GALNTL6: variants seen among roughly 807,000 people sequenced by gnomAD.
GALNTL6 encodes the protein polypeptide N-acetylgalactosaminyltransferase-like 6.
In GALNTL6, 46 loss-of-function variants were observed where a neutral mutation model predicts 73.7. The observed-to-expected ratio is 0.62, with a 90% CI of 0.49 to 0.80. The LOEUF (loss-of-function observed/expected upper bound fraction) is 0.80. Among genes scored for constraint, GALNTL6 ranks in the 30% least tolerant of loss-of-function variants. GALNTL6 has a pLI of 0.00. For synonymous variants in GALNTL6, 259 were observed against 263.7 expected, an observed-to-expected ratio of 0.98 and a Z score of 0.17; for missense variants, 604 against 755.0, an observed-to-expected ratio of 0.80 and a Z score of 2.34.
At chr4:172,367,492 C>T (rs7666004) in intron 5 of GALNTL6, among the ~76,000 whole-genome samples, 3,119 of 152,162 alleles carry the variant, frequency 0.02, 102 homozygotes, top group African/African-American at 0.07. Context: ...ACTGATAACT[C>T]CACGTAGCCA....
intron 5 of GALNTL6, among the ~76,000 whole-genome samples, chr4:172,454,021 C>G (rs1420346880): frequency 2.0e-5 from 3 of 152,146 alleles, no homozygotes; most frequent in South Asian, 2.1e-4. Context: ...TACAGGCAAG[C>G]ATGGTGCTAT....
Position 172,757,802 on chromosome 4 carries a change from C to T in GALNTL6, c.554-51559C>T, listed in dbSNP as rs182282437. 1.7e-3 allele frequency among the ~76,000 whole-genome samples: 258 copies of T among 152,236 alleles called. 1 individual carries two copies. Among genetic ancestry groups the T allele is most frequent in the African/African-American group, 6.0e-3 (250 of 41,546 alleles). Reference sequence around the variant, plus strand: ...ATGGAAAGTAAATGTTGAGATGTTACGTCCCATGTGTTTTTTTCTGTTTAT... The same window carrying T: ...ATGGAAAGTAAATGTTGAGATGTTATGTCCCATGTGTTTTTTTCTGTTTAT... On this transcript the variant is annotated intron_variant, in intron 5 of 12. Transcript: ENST00000506823.
At chr4:172,278,913 C>T (rs1214570765) in intron 3 of GALNTL6, among the ~76,000 whole-genome samples, 1 of 152,142 alleles carries the variant, frequency 6.6e-6, no homozygotes, top group East Asian at 1.9e-4. Context: ...AATACACTAT[C>T]ACATATATGG....
At chr4:171,985,898 C>T (rs1740057946) in intron 2 of GALNTL6, among the ~76,000 whole-genome samples, 1 of 151,650 alleles carries the variant, frequency 6.6e-6, no homozygotes, top group Non-Finnish European at 1.5e-5. Flanking sequence ...ATTAGCCGGG[C>T]GTGGTAGCAC....
intron 5 of GALNTL6, among the ~76,000 whole-genome samples, chr4:172,764,337 A>G (rs1391336767): frequency 6.6e-6 from 1 of 152,104 alleles, no homozygotes; most frequent in East Asian, 1.9e-4. Flanking sequence ...ATGTTGAAAA[A>G]CCATTTGGAA....
intron 5 of GALNTL6, among the ~76,000 whole-genome samples, chr4:172,384,727 A>G (rs1743400124): frequency 6.6e-6 from 1 of 152,102 alleles, no homozygotes; most frequent in South Asian, 2.1e-4. Context: ...ACTGGCGTTT[A>G]CAGACATAAA....
At chr4:172,427,761 G>A (rs770963860) in intron 5 of GALNTL6, among the ~76,000 whole-genome samples, 14 of 152,100 alleles carry the variant, frequency 9.2e-5, no homozygotes, top group Non-Finnish European at 1.5e-4. Context: ...CTTTTTGACT[G>A]TGACACCGCT....
intron 2 of GALNTL6, among the ~76,000 whole-genome samples, chr4:171,962,644 C>A (rs1345111390): frequency 6.6e-6 from 1 of 152,044 alleles, no homozygotes; most frequent in East Asian, 1.9e-4. Context: ...ATAATCCACC[C>A]CTTGTTTACC....
At chr4:172,003,400 A>G (rs1270705231) in intron 2 of GALNTL6, among the ~76,000 whole-genome samples, 2 of 152,112 alleles carry the variant, frequency 1.3e-5, no homozygotes, top group Admixed American at 1.3e-4. Context: ...ACAGAAAAAA[A>G]CTTTTCATTA....
intron 2 of GALNTL6, among the ~76,000 whole-genome samples, chr4:172,116,273 A>C (rs1732981810): frequency 1.3e-5 from 2 of 152,136 alleles, no homozygotes; most frequent in African/African-American, 2.4e-5. Flanking sequence ...AAAGGATCAA[A>C]TTATCATCCA....
intron 2 of GALNTL6, among the ~76,000 whole-genome samples, chr4:171,874,097 A>T (rs1169977934): frequency 6.6e-6 from 1 of 152,132 alleles, no homozygotes; most frequent in Non-Finnish European, 1.5e-5. Flanking sequence ...TGCACTGATG[A>T]CTTGTGTTCT....
At chr4:173,022,377 A>G (rs1394965229) in intron 12 of GALNTL6, among the ~76,000 whole-genome samples, 1 of 152,256 alleles carries the variant, frequency 6.6e-6, no homozygotes, top group African/African-American at 2.4e-5. Flanking sequence ...ATCAGTTATG[A>G]TTGAAAAATG....
At chr4:172,401,818 T>C (rs1744048902) in intron 5 of GALNTL6, among the ~76,000 whole-genome samples, 3 of 151,902 alleles carry the variant, frequency 2.0e-5, no homozygotes. Context: ...AGTTTTTATG[T>C]ATTTGTCGTG....
intron 2 of GALNTL6, among the ~76,000 whole-genome samples, chr4:171,913,652 G>C (rs1477183539): frequency 6.6e-6 from 1 of 152,128 alleles, no homozygotes; most frequent in Non-Finnish European, 1.5e-5. Context: ...AGGAGAAAAT[G>C]TCAAATTATA....
At chr4:172,162,131 T>G (rs533927597) in intron 2 of GALNTL6, among the ~76,000 whole-genome samples, 15 of 151,994 alleles carry the variant, frequency 9.9e-5, no homozygotes, top group Admixed American at 5.9e-4. Context: ...AATAAAACTT[T>G]GTAGTAAAAT....
At chr4:172,835,258 A>G (rs2111066573) in intron 7 of GALNTL6, among the ~76,000 whole-genome samples, 1 of 152,376 alleles carries the variant, frequency 6.6e-6, no homozygotes, top group African/African-American at 2.4e-5. Context: ...CAAAACAAAA[A>G]GTGCTAACAA....
At chr4:172,224,070 A>G (rs1736773300) in intron 2 of GALNTL6, among the ~76,000 whole-genome samples, 1 of 152,152 alleles carries the variant, frequency 6.6e-6, no homozygotes, top group Admixed American at 6.5e-5. Flanking sequence ...CTCAGTGACT[A>G]TGTTAAGATT....
At chr4:172,556,185 C>T (rs796147693) in intron 5 of GALNTL6, among the ~76,000 whole-genome samples, 6 of 152,106 alleles carry the variant, frequency 3.9e-5, no homozygotes, top group Admixed American at 6.5e-5. Flanking sequence ...GGGTACTTAG[C>T]GTTTCCTAGT....
intron 5 of GALNTL6, among the ~76,000 whole-genome samples, chr4:172,661,833 T>C (rs1731392907): frequency 6.6e-6 from 1 of 152,116 alleles, no homozygotes; most frequent in Non-Finnish European, 1.5e-5. Flanking sequence ...TTGAACACCC[T>C]TATCACAGGG....
Sources: allele counts gnomAD v4.1 joint callset (sites outside exome capture counted in the v4.1 genomes callset), GRCh38; gene constraint gnomAD v4.1.1; transcripts MANE v1.5; gene names NCBI Gene and HGNC (gene_info 2026-07-23, HGNC 2026-07-21).